Variants in ATP8A2 observed in about 807,000 individuals in gnomAD.
ATP8A2 encodes phospholipid-transporting ATPase IB.
ATP8A2 carries 100 observed loss-of-function variants against 165.6 expected under a neutral mutation model. That is an observed-to-expected ratio of 0.60 (90% confidence interval 0.51 to 0.71). ATP8A2 has a LOEUF of 0.71. Ranked by LOEUF, ATP8A2 falls within the 30% of genes least tolerant of loss-of-function variation. The pLI is 0.00. For missense variants in ATP8A2, 1,227 were observed against 1,479.5 expected (o/e 0.83, Z 2.80); for synonymous variants, 543 against 548.8 (o/e 0.99, Z 0.15).
At chr13:25,397,093 G>A (rs939231018) in intron 1 of ATP8A2, among the ~76,000 whole-genome samples, 1 of 152,196 alleles carries the variant, frequency 6.6e-6, no homozygotes, top group Non-Finnish European at 1.5e-5. Context: ...TGGACATCCT[G>A]TTCTAGGAAG....
At chr13:25,948,331 T>TC (rs1325370412) in intron 33 of ATP8A2, among the ~76,000 whole-genome samples, 1 of 152,104 alleles carries the variant, frequency 6.6e-6, no homozygotes. Context: ...GTGTAAAAAA[T>TC]CATTAGTTAT....
intron 24 of ATP8A2, among the ~76,000 whole-genome samples, chr13:25,697,344 A>G (rs918134827): frequency 6.6e-6 from 1 of 152,114 alleles, no homozygotes; most frequent in African/African-American, 2.4e-5. Context: ...CAGTGGTGCA[A>G]TCTCGGCTCA....
At chr13:25,860,724 G>T in intron 31 of ATP8A2, 80 bp from the exon 32 acceptor site, 1 of 1,121,418 alleles carries the variant, frequency 8.9e-7, no homozygotes, top group South Asian at 1.3e-5. Context: ...GTTCTGGAGT[G>T]GAGAGATGGG....
intron 34 of ATP8A2, among the ~76,000 whole-genome samples, chr13:25,962,534 A>G (rs896934838): frequency 1.3e-5 from 2 of 152,246 alleles, no homozygotes; most frequent in Non-Finnish European, 2.9e-5. Context: ...TTTTAATTTT[A>G]TCCATGAGCA....
intron 30 of ATP8A2, among the ~76,000 whole-genome samples, chr13:25,843,659 T>A (rs1951795970): frequency 6.6e-6 from 1 of 152,146 alleles, no homozygotes; most frequent in South Asian, 2.1e-4. Flanking sequence ...AGAAATGAAT[T>A]TCCAGGGGTT....
intron 33 of ATP8A2, among the ~76,000 whole-genome samples, chr13:25,885,503 C>T (rs541769844): frequency 3.4e-4 from 52 of 152,150 alleles, no homozygotes; most frequent in African/African-American, 1.0e-3. Flanking sequence ...CAGAGGCCAT[C>T]GTAAAGGCTG....
intron 10 of ATP8A2, among the ~76,000 whole-genome samples, chr13:25,548,118 A>G (rs867056783): frequency 1.1e-4 from 16 of 152,050 alleles, no homozygotes; most frequent in African/African-American, 3.4e-4. Context: ...TCCAGCTACT[A>G]TGGAGGCTGA....
chr13:25,438,277 C>T (rs1369343948), intron 1 of ATP8A2, among the ~76,000 whole-genome samples: 1 of 152,128 alleles, frequency 6.6e-6, no homozygotes, highest in Non-Finnish European at 1.5e-5. Flanking sequence ...ATATTATCAA[C>T]CATTCATGAT....
chr13:25,580,285 T>C (rs893956861), intron 22 of ATP8A2, among the ~76,000 whole-genome samples: 1 of 152,276 alleles, frequency 6.6e-6, no homozygotes, highest in African/African-American at 2.4e-5. Context: ...CTGTGGAGGC[T>C]GGTTAGATGT....
At chr13:25,917,518 G>C (rs1291883054) in intron 33 of ATP8A2, among the ~76,000 whole-genome samples, 1 of 152,230 alleles carries the variant, frequency 6.6e-6, no homozygotes, top group Non-Finnish European at 1.5e-5. Context: ...CAGAGAAGAG[G>C]TAATCTACCC....
chr13:25,774,944 C>T lies in ATP8A2; in HGVS notation c.2664C>T (p.Val888=). ...CILYCFYKNV[V]LYIIELWFAF... is the part of the protein sequence containing the mutation. ...TGTACTGCTTCTATAAGAACGTGGT[C>T]CTGTATATTATTGAGGTAAGAAGGG... The change falls in exon 27 of 37, where the codon GTC becomes GTT. Residue 888 remains valine, a synonymous_variant. Coordinates refer to ENST00000381655, the MANE Select transcript of ATP8A2 (RefSeq NM_016529.6). 6.2e-7 allele frequency: 1 copy of T among 1,605,722 alleles called. No homozygotes were observed. Among genetic ancestry groups the T allele is most frequent in the Non-Finnish European group, 8.5e-7 (1 of 1,172,882 alleles).
chr13:25,543,995 T>C (rs924784094), intron 10 of ATP8A2, among the ~76,000 whole-genome samples: 1 of 152,252 alleles, frequency 6.6e-6, no homozygotes, highest in Non-Finnish European at 1.5e-5. Context: ...ATTTGTTTGG[T>C]ATCACTTGGC....
intron 1 of ATP8A2, among the ~76,000 whole-genome samples, chr13:25,407,893 G>A (rs12430187): frequency 0.22 from 33,490 of 151,870 alleles, 4,195 homozygotes; most frequent in East Asian, 0.46. Context: ...ATACCAGGGA[G>A]CATAAGACAT....
At chr13:25,585,820 GT>G (rs1457143151) in intron 23 of ATP8A2, among the ~76,000 whole-genome samples, 1 of 152,140 alleles carries the variant, frequency 6.6e-6, no homozygotes, top group Non-Finnish European at 1.5e-5. Context: ...TCTTACTGCT[GT>G]TTTTCACAGA....
intron 24 of ATP8A2, among the ~76,000 whole-genome samples, chr13:25,688,544 C>T (rs1398561813): frequency 6.6e-6 from 1 of 152,214 alleles, no homozygotes; most frequent in Non-Finnish European, 1.5e-5. Flanking sequence ...GCGCCACTGC[C>T]ATTACCAACT....
In ATP8A2 at chr13:25,593,704, G is replaced by A. The variant is rs148300236; in HGVS notation, c.2211+4005G>A. On this transcript the variant is annotated intron_variant, in intron 24 of 36. Transcript: ENST00000381655. ...ATGGGTAGGAGGAGGGAGGCATGGC[G>A]TTTCAAGTGAGAAAGGTTGTTACTG... Among the ~76,000 whole-genome samples the A allele has an allele frequency of 8.9e-4, 135 of 152,270 alleles. 1 individual carries two copies. The East Asian group carries it at 0.022, about 24-fold the overall frequency.
chr13:25,625,767 C>T (rs1414385220), intron 24 of ATP8A2, among the ~76,000 whole-genome samples: 1 of 152,116 alleles, frequency 6.6e-6, no homozygotes, highest in African/African-American at 2.4e-5. Context: ...CAAAAATTTA[C>T]TTATGAACCA....
chr13:25,916,321 C>T (rs995898614), intron 33 of ATP8A2, among the ~76,000 whole-genome samples: 6 of 152,170 alleles, frequency 3.9e-5, no homozygotes, highest in African/African-American at 9.7e-5. Context: ...CACAGCACAC[C>T]GGGTCTGAGC....
chr13:25,579,010 G>C (rs1249439800), intron 21 of ATP8A2, 111 bp downstream of exon 21: 1 of 756,682 alleles, frequency 1.3e-6, no homozygotes, highest in Non-Finnish European at 2.3e-6. Context: ...CCCCTCCTGT[G>C]CCCATGGCAG....
Sources: gnomAD v4.1 joint callset for allele counts (sites outside exome capture counted in the v4.1 genomes callset) on GRCh38, gnomAD v4.1.1 for gene constraint, MANE v1.5 for transcripts, NCBI Gene and HGNC (gene_info 2026-07-23, HGNC 2026-07-21) for gene names.